The following BMP2K variants were observed in gnomAD, a reference collection of about 807,000 sequenced individuals.
BMP2K encodes the protein BMP-2-inducible protein kinase.
Under a neutral mutation model 116.0 loss-of-function variants are expected in BMP2K, and 74 were observed. The observed-to-expected ratio is 0.64, with a 90% confidence interval of 0.53 to 0.77. The LOEUF (loss-of-function observed/expected upper bound fraction) is 0.77, where lower values mean the gene tolerates loss of function less well. Ranked by LOEUF, BMP2K falls within the 30% of genes least tolerant of loss-of-function variation. The pLI, the probability that BMP2K is intolerant of heterozygous loss-of-function variation, is 0.00. For synonymous variants in BMP2K, 486 were observed against 502.5 expected, an observed-to-expected ratio of 0.97 and a Z score of 0.44; for missense variants, 1,365 against 1,403.6, an observed-to-expected ratio of 0.97 and a Z score of 0.44.
Position 78,847,894 on chromosome 4 carries a change from A to G in BMP2K, c.750+625A>G, listed in dbSNP as rs1731085278. On this transcript the variant is annotated intron_variant, in intron 6 of 15. Coordinates refer to ENST00000502613, the MANE Select transcript of BMP2K (RefSeq NM_198892.2). ...TAGGAAGAGAGTATTTTAAGTGTTA[A>G]TTCATTTAAATTCAGCAGTTACTTA... 2.0e-5 allele frequency among the ~76,000 whole-genome samples: 3 copies of G among 151,658 alleles called. No homozygotes were observed. In the South Asian group the frequency reaches 6.2e-4, roughly 31 times the overall value.
chr4:78,880,149 C>T (rs533786823), intron 14 of BMP2K, among the ~76,000 whole-genome samples: 5 of 152,180 alleles, frequency 3.3e-5, no homozygotes, highest in South Asian at 4.1e-4. Context: ...CTCGGCTCAC[C>T]GCAACCTCCG....
intron 1 of BMP2K, among the ~76,000 whole-genome samples, chr4:78,821,934 C>G (rs945849333): frequency 7.9e-5 from 12 of 152,028 alleles, no homozygotes; most frequent in African/African-American, 2.9e-4. Context: ...ATGGAAATGA[C>G]AAAGCATGGA....
At chr4:78,780,743 A>G (rs1166407861) in intron 1 of BMP2K, among the ~76,000 whole-genome samples, 1 of 152,228 alleles carries the variant, frequency 6.6e-6, no homozygotes, top group Non-Finnish European at 1.5e-5. Flanking sequence ...AGAGGACAAT[A>G]GTGGAGGTAT....
In BMP2K at chr4:78,776,740, G is replaced by A. The variant is rs1273027519; in HGVS notation, c.178+19G>A. ...GCCGAAGGTACGGGCGCCCGGGGAG[G>A]CTCGGACAGGCAGGTGAGGGAGGGT... On this transcript the variant is annotated intron_variant, in intron 1 of 15. Coordinates refer to ENST00000502613, the MANE Select transcript of BMP2K (RefSeq NM_198892.2). The A allele has an allele frequency of 2.3e-6, 2 of 874,460 alleles. No individual in the cohort carries two copies. The highest frequency in any genetic ancestry group is 1.8e-5 in the African/African-American group (1 of 56,632). 54.2% of individuals were successfully genotyped at this position (874,460 alleles called of 1,614,324 possible). A position where few individuals can be genotyped will look rare whatever the true frequency, so the allele number is the denominator to read the frequency against.
intron 14 of BMP2K, among the ~76,000 whole-genome samples, chr4:78,882,365 C>T (rs1732910547): frequency 6.6e-6 from 1 of 151,470 alleles, no homozygotes; most frequent in Non-Finnish European, 1.5e-5. Flanking sequence ...AATTGTTTTA[C>T]CTGTTCTTAA....
At chr4:78,887,360 A>G (rs1733153212) in intron 15 of BMP2K, 76 bp downstream of exon 15, 4 of 1,062,168 alleles carry the variant, frequency 3.8e-6, no homozygotes, top group South Asian at 2.8e-5. Context: ...ATAAAGTGGA[A>G]GTAAGACTCT....
intron 1 of BMP2K, among the ~76,000 whole-genome samples, chr4:78,810,506 CA>C (rs1159846288): frequency 7.2e-5 from 11 of 152,192 alleles, no homozygotes; most frequent in Non-Finnish European, 8.8e-5. Flanking sequence ...TTGTTTTAAA[CA>C]GATGCCCTGG....
At chr4:78,802,768 CTATTA>C (rs1728629174) in intron 1 of BMP2K, among the ~76,000 whole-genome samples, 1 of 152,028 alleles carries the variant, frequency 6.6e-6, no homozygotes, top group South Asian at 2.1e-4. Context: ...TGAGCTTGCT[CTATTA>C]TATTCTATAG....
chr4:78,840,624 T>C (rs1189135639), intron 3 of BMP2K, among the ~76,000 whole-genome samples: 2 of 152,180 alleles, frequency 1.3e-5, no homozygotes, highest in African/African-American at 4.8e-5. Flanking sequence ...TTACCTTTTT[T>C]TTAAATTAGA....
At chr4:78,883,049 T>C (rs1732936198) in intron 14 of BMP2K, among the ~76,000 whole-genome samples, 1 of 152,116 alleles carries the variant, frequency 6.6e-6, no homozygotes, top group South Asian at 2.1e-4. Context: ...TTTAATTTCG[T>C]GATAATATTA....
At chr4:78,783,830 T>A (rs1411007424) in intron 1 of BMP2K, among the ~76,000 whole-genome samples, 1 of 151,720 alleles carries the variant, frequency 6.6e-6, no homozygotes, top group African/African-American at 2.4e-5. Flanking sequence ...AATAAATAAA[T>A]AATAAATAAA....
At chr4:78,829,459 A>G (rs531715950) in intron 2 of BMP2K, among the ~76,000 whole-genome samples, 2 of 149,872 alleles carry the variant, frequency 1.3e-5, no homozygotes, top group Non-Finnish European at 3.0e-5. Context: ...CACTGAAGTC[A>G]TGAATTCCTC....
At chr4:78,801,180 A>G (rs1423797996) in intron 1 of BMP2K, among the ~76,000 whole-genome samples, 1 of 152,148 alleles carries the variant, frequency 6.6e-6, no homozygotes, top group African/African-American at 2.4e-5. Context: ...CATGATATCT[A>G]ACTATTAAAA....
intron 1 of BMP2K, among the ~76,000 whole-genome samples, chr4:78,809,942 A>C (rs927529370): frequency 2.6e-5 from 4 of 152,118 alleles, no homozygotes; most frequent in African/African-American, 9.7e-5. Flanking sequence ...TTTTTTGTTG[A>C]AAATTGTACG....
At chr4:78,834,550 C>T (rs1172512486) in intron 3 of BMP2K, among the ~76,000 whole-genome samples, 2 of 152,090 alleles carry the variant, frequency 1.3e-5, no homozygotes, top group African/African-American at 2.4e-5. Context: ...CATGAGCTAC[C>T]GCGTCTGTCC....
chr4:78,850,343 A>G (rs1322940491), intron 6 of BMP2K, among the ~76,000 whole-genome samples: 3 of 151,856 alleles, frequency 2.0e-5, no homozygotes, highest in East Asian at 1.9e-4. Context: ...GAATTTTAAT[A>G]TAGATTACCC....
intron 3 of BMP2K, among the ~76,000 whole-genome samples, chr4:78,838,049 T>C (rs1217285869): frequency 6.6e-6 from 1 of 152,220 alleles, no homozygotes; most frequent in Non-Finnish European, 1.5e-5. Context: ...AGAGGTTTAA[T>C]TGGACTTACA....
At chr4:78,839,283 C>T (rs367694113) in intron 3 of BMP2K, among the ~76,000 whole-genome samples, 22 of 152,222 alleles carry the variant, frequency 1.4e-4, no homozygotes, top group African/African-American at 4.8e-4. Flanking sequence ...AGCAAGCTGT[C>T]CTGTGGATGG....
chr4:78,859,728 T>A, intron 8 of BMP2K, 41 bp downstream of exon 8: 1 of 1,336,354 alleles, frequency 7.5e-7, no homozygotes, highest in Non-Finnish European at 1.1e-6. Flanking sequence ...TAAAATTCAT[T>A]TTATCGTATG....
Sources: allele counts gnomAD v4.1 joint callset (sites outside exome capture counted in the v4.1 genomes callset), GRCh38; gene constraint gnomAD v4.1.1; transcripts MANE v1.5; gene names NCBI Gene and HGNC (gene_info 2026-07-23, HGNC 2026-07-21).